The following CTTNBP2 variants were observed in gnomAD, a reference collection of about 807,000 sequenced individuals.
The protein encoded by CTTNBP2 is cortactin-binding protein 2.
Under a neutral mutation model 156.9 loss-of-function variants are expected in CTTNBP2, and 108 were observed. The observed-to-expected ratio is 0.69, with a 90% CI of 0.59 to 0.81. The LOEUF (loss-of-function observed/expected upper bound fraction) is 0.81, where lower values mean the gene tolerates loss of function less well. CTTNBP2 is among the 30% of genes least tolerant of loss of function. The pLI is 0.00. For synonymous variants in CTTNBP2, 767 were observed against 751.8 expected (o/e 1.02, Z -0.33); for missense variants, 1,924 against 2,035.4 (o/e 0.95, Z 1.05).
At chr7:117,810,459 T>C (rs1023298091) in intron 3 of CTTNBP2, among the ~76,000 whole-genome samples, 16 of 152,184 alleles carry the variant, frequency 1.1e-4, no homozygotes, top group Non-Finnish European at 5.9e-5. Flanking sequence ...CTAAGCATGT[T>C]TTCTAGAAGG....
intron 16 of CTTNBP2, among the ~76,000 whole-genome samples, chr7:117,730,834 G>T (rs150786676): frequency 6.6e-6 from 1 of 150,992 alleles, no homozygotes; most frequent in Non-Finnish European, 1.5e-5. Context: ...ATGGGGACAG[G>T]GGGTATATTT....
chr7:117,836,495 G>A (rs187773285), intron 2 of CTTNBP2, among the ~76,000 whole-genome samples: 137 of 152,284 alleles, frequency 9.0e-4, no homozygotes, highest in Admixed American at 2.4e-3. Flanking sequence ...ACCCAGAGGC[G>A]GAGCTGGCAG....
At chr7:117,793,726 C>G (rs567891431) in intron 3 of CTTNBP2, 65 of 152,332 alleles carry the variant, frequency 4.3e-4, no homozygotes, top group African/African-American at 1.5e-3. Flanking sequence ...GTTCACCAAG[C>G]CATAGGCCCT....
intron 14 of CTTNBP2, among the ~76,000 whole-genome samples, chr7:117,738,200 T>C (rs1465224507): frequency 6.6e-6 from 1 of 152,182 alleles, no homozygotes; most frequent in Non-Finnish European, 1.5e-5. Context: ...CCTGGGGCAC[T>C]GGCATTTTGT....
chr7:117,837,352 C>T (rs1019730243), intron 2 of CTTNBP2, among the ~76,000 whole-genome samples: 1 of 152,176 alleles, frequency 6.6e-6, no homozygotes, highest in African/African-American at 2.4e-5. Flanking sequence ...CTCACTACCA[C>T]TAATTTTGAC....
At position 117,817,361 on chromosome 7, in the gene CTTNBP2, A is replaced by AATAT. The variant is rs59036381; in HGVS notation, c.190-6376_190-6373dup. 4.8e-3 allele frequency among the ~76,000 whole-genome samples: 255 copies of AATAT among 53,228 alleles called. 1 individual carries two copies. Among genetic ancestry groups the AATAT allele is most frequent in the African/African-American group, 0.011 (150 of 13,346 alleles). The allele number at this position is 53,228 out of a possible 152,430, so 34.9% of individuals were successfully genotyped here. On this transcript the variant is annotated intron_variant, in intron 2 of 22. Transcript: ENST00000160373. ...AAAAAAAAAAAAAAAAAAAAAAAAAAATATATATATATATATATATATATA... is the reference window on the plus strand; with the variant it reads ...AAAAAAAAAAAAAAAAAAAAAAAAAAATATATATATATATATATATATATATATA...
At chr7:117,817,797 T>G (rs1800709204) in intron 2 of CTTNBP2, among the ~76,000 whole-genome samples, 1 of 152,190 alleles carries the variant, frequency 6.6e-6, no homozygotes, top group African/African-American at 2.4e-5. Context: ...GTGCTTTTTA[T>G]GCATTTTGTC....
chr7:117,715,337 T>C (rs1325169784), intron 22 of CTTNBP2, among the ~76,000 whole-genome samples: 2 of 151,540 alleles, frequency 1.3e-5, no homozygotes, highest in Non-Finnish European at 2.9e-5. Flanking sequence ...AAGAAATGGG[T>C]GGAAAATGAA....
intron 1 of CTTNBP2, chr7:117,871,834 T>C (rs1804617503): frequency 2.8e-6 from 1 of 362,050 alleles, no homozygotes; most frequent in Non-Finnish European, 3.1e-6. Context: ...TTCTTTTTCG[T>C]CCTTCCCCTT....
chr7:117,721,079 A>G lies in CTTNBP2; in HGVS notation c.4499T>C (p.Leu1500Pro), dbSNP rs756512421. ...AAGGGGAACTTACTTTTGTTTTGAC[A>G]GAGAAGCATTCCTGTTACAATTCAG... Reference protein sequence around the residue: ...SQLNCNRNASLSKQKSLENDL... With the variant: ...SQLNCNRNASPSKQKSLENDL... The change falls in exon 20 of 23, where the codon CTG (leucine) becomes CCG (proline). Residue 1500 changes from leucine to proline, a missense_variant. Leu to Pro is a moderately conservative substitution (Grantham distance 98). Coordinates refer to ENST00000160373, the MANE Select transcript of CTTNBP2 (RefSeq NM_033427.3). The G allele has an allele frequency of 1.9e-6, 3 of 1,603,976 alleles. No individual in the cohort carries two copies. The highest frequency in any genetic ancestry group is 4.5e-5 in the East Asian group (2 of 44,820).
chr7:117,763,155 T>C (rs1258272671), intron 9 of CTTNBP2, among the ~76,000 whole-genome samples: 5 of 152,218 alleles, frequency 3.3e-5, no homozygotes, highest in Non-Finnish European at 5.9e-5. Flanking sequence ...TCATTTTATC[T>C]CTTAATGTTA....
chr7:117,712,518 A>G (rs1794114907), intron 22 of CTTNBP2: 1 of 152,198 alleles, frequency 6.6e-6, no homozygotes, highest in African/African-American at 2.4e-5. Flanking sequence ...GCAAACTAAC[A>G]AACATGACAT....
At chr7:117,750,144 T>C (rs1796545639) in intron 12 of CTTNBP2, among the ~76,000 whole-genome samples, 1 of 152,204 alleles carries the variant, frequency 6.6e-6, no homozygotes. Flanking sequence ...CTAGCGTGGC[T>C]ATTTAATCTT....
intron 22 of CTTNBP2, among the ~76,000 whole-genome samples, chr7:117,717,664 A>C (rs1794503648): frequency 6.6e-6 from 1 of 151,924 alleles, no homozygotes; most frequent in Admixed American, 6.6e-5. Context: ...GTGTATATAA[A>C]CTTTGGTACT....
intron 20 of CTTNBP2, among the ~76,000 whole-genome samples, chr7:117,720,223 A>G (rs1794705731): frequency 6.6e-6 from 1 of 152,074 alleles, no homozygotes; most frequent in Non-Finnish European, 1.5e-5. Flanking sequence ...TAATGCTGCA[A>G]ACCAGCGGAC....
intron 9 of CTTNBP2, 36 bp from the exon 10 acceptor site, chr7:117,760,746 A>G: frequency 6.8e-7 from 1 of 1,464,430 alleles, no homozygotes; most frequent in Non-Finnish European, 9.3e-7. Flanking sequence ...AGTTAAAAAA[A>G]TCTGGACAGA....
chr7:117,825,544 C>G (rs1288906436), intron 2 of CTTNBP2, among the ~76,000 whole-genome samples: 1 of 152,182 alleles, frequency 6.6e-6, no homozygotes, highest in African/African-American at 2.4e-5. Flanking sequence ...GTTATATAGA[C>G]ATTAAATCTA....
chr7:117,718,018 C>T lies in CTTNBP2; in HGVS notation c.4746G>A (p.Lys1582=), dbSNP rs1403418302. 2 of 1,591,792 alleles carry T rather than the reference C, an allele frequency of 1.3e-6. No individual in the cohort carries two copies. The highest frequency in any genetic ancestry group is 2.7e-5 in the African/African-American group (2 of 74,480). Residue 1582 remains lysine, a splice_region_variant and synonymous_variant, in exon 22 of 23, where the codon AAG becomes AAA. Transcript: ENST00000160373. ...INNLRMPVSQ[K]EVSPLSSHQT... ...ACTTTGGGGAGAAAGGGACACTTAC[C>T]TTTTGTGACACTGGCATTCTCAGAT...
intron 18 of CTTNBP2, 77 bp from the exon 19 acceptor site, chr7:117,724,809 T>C (rs901540912): frequency 2.3e-5 from 35 of 1,491,212 alleles, no homozygotes; most frequent in East Asian, 1.1e-4. Context: ...TTCTCAAAGA[T>C]ACGGACTGTT....
Sources: allele counts gnomAD v4.1 joint callset (sites outside exome capture counted in the v4.1 genomes callset), GRCh38; gene constraint gnomAD v4.1.1; transcripts MANE v1.5; gene names NCBI Gene and HGNC (gene_info 2026-07-23, HGNC 2026-07-21).